MIPOL1: variants seen among roughly 807,000 people sequenced by gnomAD.
MIPOL1 encodes the protein mirror-image polydactyly gene 1 protein.
In MIPOL1, 57 loss-of-function variants were observed where a neutral mutation model predicts 60.9. The observed-to-expected ratio is 0.94, with a 90% CI of 0.76 to 1.17. The LOEUF (loss-of-function observed/expected upper bound fraction) is 1.17. MIPOL1 is among the 50% of genes most tolerant of loss of function. MIPOL1 has a pLI of 0.00. For synonymous variants in MIPOL1, 179 were observed against 168.8 expected, an observed-to-expected ratio of 1.06 and a Z score of -0.47; for missense variants, 551 against 511.6, an observed-to-expected ratio of 1.08 and a Z score of -0.74.
At chr14:37,416,297 G>A (rs1320138684) in intron 10 of MIPOL1, among the ~76,000 whole-genome samples, 1 of 152,114 alleles carries the variant, frequency 6.6e-6, no homozygotes, top group African/African-American at 2.4e-5. Context: ...GGAGATTCTT[G>A]AGGAATATGA....
At chr14:37,455,545 A>G (rs1298505726) in intron 11 of MIPOL1, among the ~76,000 whole-genome samples, 2 of 152,052 alleles carry the variant, frequency 1.3e-5, no homozygotes, top group African/African-American at 2.4e-5. Flanking sequence ...AGTTATCTGT[A>G]TACTGTTATT....
At chr14:37,449,993 AG>A (rs535182219) in intron 11 of MIPOL1, among the ~76,000 whole-genome samples, 194 of 152,046 alleles carry the variant, frequency 1.3e-3, no homozygotes, top group African/African-American at 4.3e-3. Flanking sequence ...TTGTATTTTT[AG>A]TAGAGACAGG....
intron 9 of MIPOL1, among the ~76,000 whole-genome samples, chr14:37,365,231 C>T (rs1272588359): frequency 6.6e-6 from 1 of 152,170 alleles, no homozygotes; most frequent in Non-Finnish European, 1.5e-5. Context: ...CTGGCTAGTA[C>T]TTCCAGTACT....
chr14:37,249,278 C>T (rs912248803), intron 3 of MIPOL1, among the ~76,000 whole-genome samples: 2 of 151,942 alleles, frequency 1.3e-5, no homozygotes, highest in Non-Finnish European at 2.9e-5. Context: ...GTTCCCCTTC[C>T]CCCAACAGGG....
At position 37,388,051 on chromosome 14, in the gene MIPOL1, C is replaced by T. The variant is rs910825643; in HGVS notation, c.936+18427C>T. Among the ~76,000 whole-genome samples, 17 of 151,292 alleles carry T rather than the reference C, an allele frequency of 1.1e-4. 1 individual carries two copies. Among genetic ancestry groups the T allele is most frequent in the East Asian group, 3.9e-4 (2 of 5,144 alleles). ...ATTATTTCTTGTCCAACTATAAGTG[C>T]GAACCAGAAAAAAATGTTATCAGTG... On this transcript the variant is annotated intron_variant, in intron 10 of 12. Transcript: ENST00000684589.
chr14:37,288,485 T>C (rs1458322835), intron 7 of MIPOL1, among the ~76,000 whole-genome samples: 1 of 152,084 alleles, frequency 6.6e-6, no homozygotes, highest in Non-Finnish European at 1.5e-5. Flanking sequence ...TTATAGCTAC[T>C]TGTGGCAATA....
At chr14:37,386,541 G>C (rs1407509149) in intron 10 of MIPOL1, among the ~76,000 whole-genome samples, 2 of 151,656 alleles carry the variant, frequency 1.3e-5, no homozygotes, top group Admixed American at 6.6e-5. Flanking sequence ...CAAATGTCGA[G>C]TCTTCTCCCT....
chr14:37,424,586 G>A (rs1183688009), intron 11 of MIPOL1, among the ~76,000 whole-genome samples: 1 of 152,180 alleles, frequency 6.6e-6, no homozygotes, highest in African/African-American at 2.4e-5. Flanking sequence ...GTTGTTTTAA[G>A]CCACACAGTT....
chr14:37,454,794 C>T (rs2094458914), intron 11 of MIPOL1, among the ~76,000 whole-genome samples: 1 of 152,124 alleles, frequency 6.6e-6, no homozygotes, highest in African/African-American at 2.4e-5. Flanking sequence ...TTTTACTTCT[C>T]TCGTTTTTCT....
intron 12 of MIPOL1, among the ~76,000 whole-genome samples, chr14:37,526,241 A>G (rs1039009278): frequency 6.6e-6 from 1 of 151,774 alleles, no homozygotes; most frequent in Non-Finnish European, 1.5e-5. Context: ...AAACCTATCA[A>G]CTAAATGCAT....
chr14:37,317,205 T>C (rs1389256595), intron 9 of MIPOL1, among the ~76,000 whole-genome samples: 1 of 152,182 alleles, frequency 6.6e-6, no homozygotes, highest in Non-Finnish European at 1.5e-5. Context: ...AGTGTCATTA[T>C]TAAAATGTTA....
rs150203884 is a variant in MIPOL1 at position 37,268,936 on chromosome 14, A to T, written c.387+143A>T. The stretch of plus-strand genomic sequence containing the variant: ...CTTTATGTTTTTGCCATACCTTGCC[A>T]TCAGGGTATGGTTGAGTTAAGGGGT... On this transcript the variant is annotated intron_variant, in intron 5 of 12. Transcript: ENST00000684589. 2.3e-4 allele frequency: 146 copies of T among 634,780 alleles called. No homozygotes were observed. The East Asian group carries it at 4.8e-3, about 21-fold the overall frequency. 39.3% of individuals were successfully genotyped at this position (634,780 alleles called of 1,614,324 possible). A position where few individuals can be genotyped will look rare whatever the true frequency, so the allele number is the denominator to read the frequency against.
chr14:37,308,293 A>T (rs1379818989), intron 8 of MIPOL1, 56 bp from the exon 9 acceptor site: 9 of 1,383,608 alleles, frequency 6.5e-6, no homozygotes, highest in Non-Finnish European at 8.7e-6. Context: ...AAAACCCTAT[A>T]TTAAATAAAA....
intron 9 of MIPOL1, among the ~76,000 whole-genome samples, chr14:37,332,949 A>C (rs987095902): frequency 1.3e-5 from 2 of 152,160 alleles, no homozygotes; most frequent in African/African-American, 2.4e-5. Context: ...GTAGCATCCC[A>C]CAGTGTTTTA....
At chr14:37,420,971 A>T (rs995133436) in intron 10 of MIPOL1, among the ~76,000 whole-genome samples, 1 of 152,180 alleles carries the variant, frequency 6.6e-6, no homozygotes, top group African/African-American at 2.4e-5. Flanking sequence ...ATAGCTTTGA[A>T]CATAATCACT....
At position 37,526,995 on chromosome 14, in the gene MIPOL1, CTTATT is replaced by C. The variant is rs550381023; in HGVS notation, c.1263-19904_1263-19900del. 3.3e-4 allele frequency among the ~76,000 whole-genome samples: 50 copies of C among 152,092 alleles called. 1 individual carries two copies. The highest frequency in any genetic ancestry group is 1.1e-3 in the African/African-American group (44 of 41,514). On this transcript the variant is annotated intron_variant, in intron 12 of 12. Coordinates refer to ENST00000684589, the MANE Select transcript of MIPOL1 (RefSeq NM_001388067.1). ...AAAAATTATATTGTTCTGATATGCA[CTTATT>C]TTATTAGGAATAAGATTAAGCTTTT...
rs537705022 is a variant in MIPOL1, at chr14:37,267,023, GA to G, written c.109del (p.Ser37ValfsTer9). On this transcript the variant is annotated frameshift_variant, in exon 4 of 13. Coordinates refer to ENST00000684589, the MANE Select transcript of MIPOL1 (RefSeq NM_001388067.1). LOFTEE classifies it high-confidence loss of function. ...ATGAGCAACTGACTATGAATTCTGA[GA>G]AAAGTATGCATCGGAAATCCACTGA... ...PDEQLTMNSE[K>X]SMHRKSTELV... is the part of the protein sequence containing the mutation. The G allele has an allele frequency of 1.6e-4, 264 of 1,613,926 alleles. 4 individuals carry two copies. The East Asian group carries it at 5.8e-3, about 36-fold the overall frequency.
At chr14:37,297,780 A>G (rs1470318072) in intron 7 of MIPOL1, among the ~76,000 whole-genome samples, 3 of 151,924 alleles carry the variant, frequency 2.0e-5, no homozygotes, top group Non-Finnish European at 4.4e-5. Flanking sequence ...GGAGAACTAC[A>G]AACCACTGCT....
At chr14:37,346,617 A>T (rs1449031695) in intron 9 of MIPOL1, among the ~76,000 whole-genome samples, 1 of 152,188 alleles carries the variant, frequency 6.6e-6, no homozygotes, top group Non-Finnish European at 1.5e-5. Context: ...GACCATGAGG[A>T]TTAAAAATTG....
Sources: allele counts gnomAD v4.1 joint callset (sites outside exome capture counted in the v4.1 genomes callset), GRCh38; gene constraint gnomAD v4.1.1; transcripts MANE v1.5; gene names NCBI Gene and HGNC (gene_info 2026-07-23, HGNC 2026-07-21).